Variants in ARFIP1 observed in about 807,000 individuals in gnomAD.
ARFIP1 encodes arfaptin-1.
Under a neutral mutation model 42.5 loss-of-function variants are expected in ARFIP1, and 24 were observed. That is an observed-to-expected ratio of 0.57 (90% confidence interval 0.41 to 0.80). ARFIP1 has a LOEUF of 0.80. Among genes scored for constraint, ARFIP1 ranks in the 30% least tolerant of loss-of-function variants. The pLI is 0.00. For synonymous variants in ARFIP1, 141 were observed against 153.7 expected (o/e 0.92, Z 0.61); for missense variants, 354 against 434.0 (o/e 0.82, Z 1.64).
At chr4:152,812,590 G>C (rs767890157) in intron 1 of ARFIP1, among the ~76,000 whole-genome samples, 1 of 152,140 alleles carries the variant, frequency 6.6e-6, no homozygotes, top group Non-Finnish European at 1.5e-5. Context: ...TGATTTCCAG[G>C]TTTATGTTTT....
At chr4:152,800,448 T>C (rs1175291468) in intron 1 of ARFIP1, among the ~76,000 whole-genome samples, 2 of 152,196 alleles carry the variant, frequency 1.3e-5, no homozygotes, top group Non-Finnish European at 2.9e-5. Flanking sequence ...AGCTATGATT[T>C]GAGCCTCAAT....
At chr4:152,904,158 C>CTA (rs1297847510) in intron 8 of ARFIP1, among the ~76,000 whole-genome samples, 51 of 130,456 alleles carry the variant, frequency 3.9e-4, no homozygotes, top group Non-Finnish European at 5.1e-4. Context: ...AACCCATCAC[C>CTA]TATATATATA....
chr4:152,832,518 C>G (rs1578891102), intron 2 of ARFIP1, among the ~76,000 whole-genome samples: 1 of 152,046 alleles, frequency 6.6e-6, no homozygotes, highest in African/African-American at 2.4e-5. Context: ...ATATCTTCTT[C>G]CAGTCTATGT....
chr4:152,862,811 T>G (rs1459232298), intron 2 of ARFIP1, among the ~76,000 whole-genome samples: 3 of 152,248 alleles, frequency 2.0e-5, no homozygotes, highest in Admixed American at 2.0e-4. Context: ...AATTGTTGCA[T>G]CACTTGAAGC....
At chr4:152,905,545 G>GCTT (rs1554036969) in intron 8 of ARFIP1, among the ~76,000 whole-genome samples, 4 of 30,378 alleles carry the variant, frequency 1.3e-4, no homozygotes, top group African/African-American at 5.0e-4. Flanking sequence ...TGTAAGAATT[G>GCTT]TTTTTTTTTT....
chr4:152,894,631 G>A (rs1737157530), intron 8 of ARFIP1, among the ~76,000 whole-genome samples: 2 of 152,162 alleles, frequency 1.3e-5, no homozygotes, highest in South Asian at 2.1e-4. Context: ...TTTAAAATAA[G>A]CATTTATGGA....
At chr4:152,783,931 A>AGATGGTG (rs1730649016) in intron 1 of ARFIP1, among the ~76,000 whole-genome samples, 1 of 152,164 alleles carries the variant, frequency 6.6e-6, no homozygotes, top group Non-Finnish European at 1.5e-5. Flanking sequence ...AATAATAAGC[A>AGATGGTG]GATGGTGTGT....
chr4:152,898,457 T>C (rs1029473740), intron 8 of ARFIP1, among the ~76,000 whole-genome samples: 2 of 151,862 alleles, frequency 1.3e-5, no homozygotes, highest in African/African-American at 4.9e-5. Flanking sequence ...CTATCCTTAT[T>C]TCTTCCCTTA....
intron 1 of ARFIP1, among the ~76,000 whole-genome samples, chr4:152,789,080 CTTTTTT>C (rs71598215): frequency 2.8e-5 from 2 of 71,858 alleles, no homozygotes; most frequent in African/African-American, 6.3e-5. Flanking sequence ...AGAATACAGA[CTTTTTT>C]TTTTTTTTTT....
intron 1 of ARFIP1, among the ~76,000 whole-genome samples, chr4:152,805,152 G>C (rs1728901378): frequency 6.6e-6 from 1 of 152,168 alleles, no homozygotes; most frequent in Admixed American, 6.5e-5. Context: ...AAACTTGCTA[G>C]ACCATTTCAG....
Position 152,821,546 on chromosome 4 carries a change from G to GA in ARFIP1, c.-9-8070dup, listed in dbSNP as rs900432788. Among the ~76,000 whole-genome samples the GA allele has an allele frequency of 5.9e-4, 89 of 150,866 alleles. No homozygotes were observed. In the East Asian group the frequency reaches 0.012, roughly 20 times the overall value. The stretch of plus-strand genomic sequence containing the variant: ...ATAGGTGTTCCTAAGAGAAGAAAAA[G>GA]AAAAAAAAATTGGAAAACTTATTTA... On this transcript the variant is annotated intron_variant, in intron 1 of 8. Transcript: ENST00000353617.
rs924168049 is a variant in ARFIP1 at position 152,887,268 on chromosome 4, G to T, written c.792-865G>T. On this transcript the variant is annotated intron_variant, in intron 7 of 8. Coordinates refer to ENST00000353617, the MANE Select transcript of ARFIP1 (RefSeq NM_001025595.3). The stretch of plus-strand genomic sequence containing the variant: ...ATCTTGGAGTGATGACAGTGGTGGG[G>T]TAACTATTTGAGTTGATGGGGGGAG... Among the ~76,000 whole-genome samples the T allele has an allele frequency of 2.0e-5, 3 of 152,032 alleles. No homozygotes were observed. In the East Asian group the frequency reaches 5.8e-4, roughly 29 times the overall value.
intron 2 of ARFIP1, among the ~76,000 whole-genome samples, chr4:152,837,703 G>C (rs1731763743): frequency 6.6e-6 from 1 of 152,152 alleles, no homozygotes; most frequent in African/African-American, 2.4e-5. Context: ...TATAGATTGT[G>C]AAGATTTTGT....
At chr4:152,867,060 C>G in intron 3 of ARFIP1, among the ~76,000 whole-genome samples, 1 of 146,416 alleles carries the variant, frequency 6.8e-6, no homozygotes, top group African/African-American at 2.8e-5. Flanking sequence ...GATGGGCAGC[C>G]AGGCAGAGAC....
intron 2 of ARFIP1, among the ~76,000 whole-genome samples, chr4:152,848,949 G>A (rs1658543464): frequency 6.6e-6 from 1 of 152,064 alleles, no homozygotes; most frequent in Non-Finnish European, 1.5e-5. Context: ...GATTTGATGG[G>A]GGCTTTTTCA....
chr4:152,853,066 A>G (rs1446728308), intron 2 of ARFIP1, among the ~76,000 whole-genome samples: 1 of 152,328 alleles, frequency 6.6e-6, no homozygotes, highest in African/African-American at 2.4e-5. Flanking sequence ...GTCCTCAGCT[A>G]CAGTTGTCTC....
intron 3 of ARFIP1, among the ~76,000 whole-genome samples, chr4:152,865,655 C>CGG (rs1561153027): frequency 6.6e-6 from 1 of 152,062 alleles, no homozygotes. Flanking sequence ...GGAGCAATCA[C>CGG]GTCAGTGTCT....
At chr4:152,791,587 G>A (rs1731148437) in intron 1 of ARFIP1, among the ~76,000 whole-genome samples, 1 of 151,984 alleles carries the variant, frequency 6.6e-6, no homozygotes, top group African/African-American at 2.4e-5. Flanking sequence ...GTAGGTTTCT[G>A]GATTTTGTAA....
At chr4:152,843,560 G>C (rs1292677865) in intron 2 of ARFIP1, among the ~76,000 whole-genome samples, 1 of 152,128 alleles carries the variant, frequency 6.6e-6, no homozygotes. Context: ...AGTTGTGTTT[G>C]AGCTCAAACT....
Sources: allele counts gnomAD v4.1 joint callset (sites outside exome capture counted in the v4.1 genomes callset), GRCh38; gene constraint gnomAD v4.1.1; transcripts MANE v1.5; gene names NCBI Gene and HGNC (gene_info 2026-07-23, HGNC 2026-07-21).